The following NTRK3 variants were observed in gnomAD, a reference collection of about 807,000 sequenced individuals.
The protein encoded by NTRK3 is NT-3 growth factor receptor.
Under a neutral mutation model 91.7 loss-of-function variants are expected in NTRK3, and 24 were observed. The observed-to-expected ratio is 0.26, with a 90% CI of 0.19 to 0.37. The LOEUF is 0.37. Ranked by LOEUF, NTRK3 falls within the 10% of genes least tolerant of loss-of-function variation. The probability of loss-of-function intolerance (pLI) is 1.00; values close to 1 mark genes in which losing one functional copy is unlikely to be tolerated. For missense variants in NTRK3, 880 were observed against 1,068.9 expected, an observed-to-expected ratio of 0.82 and a Z score of 2.46; for synonymous variants, 483 against 404.0, an observed-to-expected ratio of 1.20 and a Z score of -2.34.
intron 14 of NTRK3, among the ~76,000 whole-genome samples, chr15:87,986,858 G>A (rs1252998090): frequency 6.6e-6 from 1 of 152,250 alleles, no homozygotes; most frequent in Non-Finnish European, 1.5e-5. Flanking sequence ...AGTCTCTGCT[G>A]CTACCACTAA....
At chr15:88,136,389 C>T in intron 8 of NTRK3, 78 bp downstream of exon 8, 1 of 1,596,406 alleles carries the variant, frequency 6.3e-7, no homozygotes. Flanking sequence ...AACAAGACCG[C>T]AAATTTTCCC....
At chr15:87,878,401 C>T (rs541896689) in intron 18 of NTRK3, among the ~76,000 whole-genome samples, 11 of 152,290 alleles carry the variant, frequency 7.2e-5, no homozygotes, top group African/African-American at 2.4e-4. Flanking sequence ...TGTCAGCATC[C>T]GCCTGGTTAT....
intron 17 of NTRK3, chr15:87,926,660 T>C (rs759618621): frequency 6.6e-6 from 1 of 152,250 alleles, no homozygotes; most frequent in Non-Finnish European, 1.5e-5. Flanking sequence ...AAATATCAAT[T>C]GGGGATGTGA....
intron 3 of NTRK3, among the ~76,000 whole-genome samples, chr15:88,198,379 C>T (rs1290889659): frequency 6.6e-6 from 1 of 152,212 alleles, no homozygotes; most frequent in Non-Finnish European, 1.5e-5. Flanking sequence ...CCTCTCCCTG[C>T]CCACCTCTGG....
chr15:88,131,356 C>T (rs1464219828), intron 10 of NTRK3, among the ~76,000 whole-genome samples: 4 of 152,198 alleles, frequency 2.6e-5, no homozygotes, highest in Admixed American at 6.5e-5. Flanking sequence ...TGTGGGGAAT[C>T]GGATACTTTC....
chr15:88,129,735 G>A (rs950583309), intron 10 of NTRK3, among the ~76,000 whole-genome samples: 5 of 152,200 alleles, frequency 3.3e-5, no homozygotes, highest in Non-Finnish European at 5.9e-5. Flanking sequence ...CCAATGTACA[G>A]GGGATCTCAA....
intron 3 of NTRK3, among the ~76,000 whole-genome samples, chr15:88,187,242 C>T (rs991739640): frequency 3.3e-5 from 5 of 152,276 alleles, no homozygotes; most frequent in African/African-American, 1.2e-4. Context: ...TCATTCATGG[C>T]CTCCAGGAAA....
intron 3 of NTRK3, among the ~76,000 whole-genome samples, chr15:88,239,550 G>T (rs74027916): frequency 0.026 from 3,884 of 152,242 alleles, 162 homozygotes; most frequent in African/African-American, 0.085. Context: ...GATCACGCAG[G>T]TCAAGGCAGG....
At chr15:87,885,725 G>A in intron 17 of NTRK3, 3 of 1,344,586 alleles carry the variant, frequency 2.2e-6, no homozygotes, top group East Asian at 2.8e-5. Flanking sequence ...ATTTCCAGAT[G>A]GATTAAAGAG....
intron 3 of NTRK3, among the ~76,000 whole-genome samples, chr15:88,225,897 C>T (rs934949150): frequency 1.3e-5 from 2 of 152,286 alleles, no homozygotes; most frequent in East Asian, 3.9e-4. Context: ...CAGTCACCCG[C>T]TACCTAGACA....
chr15:88,192,554 C>A (rs1275926648), intron 3 of NTRK3, among the ~76,000 whole-genome samples: 1 of 152,154 alleles, frequency 6.6e-6, no homozygotes, highest in Non-Finnish European at 1.5e-5. Flanking sequence ...CTCTCTCCTG[C>A]CTAAAACCCT....
At chr15:88,226,752 A>G (rs1292660174) in intron 3 of NTRK3, among the ~76,000 whole-genome samples, 2 of 152,238 alleles carry the variant, frequency 1.3e-5, no homozygotes, top group Non-Finnish European at 2.9e-5. Flanking sequence ...TAATAAAAGT[A>G]ACAACAATAA....
At chr15:87,879,575 GGT>G (rs2141458934) in intron 18 of NTRK3, among the ~76,000 whole-genome samples, 2 of 152,188 alleles carry the variant, frequency 1.3e-5, no homozygotes, top group South Asian at 4.1e-4. Context: ...AATCTCAACA[GGT>G]GTTTTTGCAA....
chr15:88,154,768 A>C (rs562817133), intron 5 of NTRK3, among the ~76,000 whole-genome samples: 3 of 152,166 alleles, frequency 2.0e-5, no homozygotes, highest in South Asian at 4.1e-4. Context: ...GGGTATTTCA[A>C]GGGGAAAAAG....
At chr15:87,892,513 A>T (rs1412684648) in intron 17 of NTRK3, among the ~76,000 whole-genome samples, 1 of 152,220 alleles carries the variant, frequency 6.6e-6, no homozygotes, top group African/African-American at 2.4e-5. Flanking sequence ...CTAATTGAAA[A>T]TATGAGATGC....
At chr15:88,148,355 T>C (rs1057335827) in intron 5 of NTRK3, among the ~76,000 whole-genome samples, 1 of 152,240 alleles carries the variant, frequency 6.6e-6, no homozygotes, top group Non-Finnish European at 1.5e-5. Context: ...GGAAGTTCCC[T>C]CTGGAATCTT....
chr15:88,137,359 G>C (rs759537230), intron 7 of NTRK3, 45 bp downstream of exon 7: 20 of 1,607,746 alleles, frequency 1.2e-5, no homozygotes, highest in Middle Eastern at 2.0e-4. Context: ...GGTGTCTGAG[G>C]GATGCCTCCC....
chr15:88,095,347 G>C (rs1158657033), intron 13 of NTRK3, among the ~76,000 whole-genome samples: 1 of 152,180 alleles, frequency 6.6e-6, no homozygotes, highest in African/African-American at 2.4e-5. Context: ...GAAATCAAAG[G>C]ACTGAGCCAA....
intron 5 of NTRK3, among the ~76,000 whole-genome samples, chr15:88,161,541 G>A (rs1311554238): frequency 6.6e-6 from 1 of 152,176 alleles, no homozygotes; most frequent in East Asian, 1.9e-4. Context: ...CACTGAGAGG[G>A]GAATTGGAGT....
Sources: gnomAD v4.1 joint callset for allele counts (sites outside exome capture counted in the v4.1 genomes callset) on GRCh38, gnomAD v4.1.1 for gene constraint, MANE v1.5 for transcripts, NCBI Gene and HGNC (gene_info 2026-07-23, HGNC 2026-07-21) for gene names.